The following ANKRD45 variants were observed in gnomAD, a reference collection of about 807,000 sequenced individuals.
The protein encoded by ANKRD45 is ankyrin repeat domain-containing protein 45.
Under a neutral mutation model 28.1 loss-of-function variants are expected in ANKRD45, and 21 were observed. The observed-to-expected ratio is 0.75, with a 90% CI of 0.53 to 1.08. The LOEUF is 1.08. ANKRD45 is among the 50% of genes least tolerant of loss of function. The probability of loss-of-function intolerance (pLI) is 0.00; values close to 1 mark genes in which losing one functional copy is unlikely to be tolerated. For synonymous variants in ANKRD45, 86 were observed against 103.9 expected (o/e 0.83, Z 1.05); for missense variants, 261 against 308.7 (o/e 0.85, Z 1.16).
intron 5 of ANKRD45, among the ~76,000 whole-genome samples, chr1:173,613,334 GC>G (rs1187850172): frequency 6.6e-6 from 1 of 151,892 alleles, no homozygotes; most frequent in Non-Finnish European, 1.5e-5. Flanking sequence ...CGTCTGAGAA[GC>G]GAGGAGCCCC....
At chr1:173,668,956 T>C (rs1166047478) in intron 1 of ANKRD45, among the ~76,000 whole-genome samples, 2 of 152,258 alleles carry the variant, frequency 1.3e-5, no homozygotes, top group Non-Finnish European at 2.9e-5. Flanking sequence ...GGATAGCACC[T>C]GGTCTGCCTT....
chr1:173,610,432 T>C (rs73031308), intron 5 of ANKRD45, among the ~76,000 whole-genome samples: 4,127 of 152,284 alleles, frequency 0.027, 199 homozygotes, highest in African/African-American at 0.095. Context: ...TAATCAGTAT[T>C]ATTGTCCCTA....
chr1:173,687,514 C>T, the ANKRD45 span, among the ~76,000 whole-genome samples: 1 of 137,812 alleles, frequency 7.3e-6, no homozygotes, highest in Admixed American at 8.6e-5. Flanking sequence ...AAGCAAACTT[C>T]CTTCATGTCT....
chr1:173,637,378 A>G (rs1189035526), intron 3 of ANKRD45, among the ~76,000 whole-genome samples: 1 of 152,250 alleles, frequency 6.6e-6, no homozygotes, highest in Non-Finnish European at 1.5e-5. Context: ...AAATTCTGCT[A>G]GCTGTAATAA....
At chr1:173,613,112 C>T (rs2102308266) in intron 5 of ANKRD45, among the ~76,000 whole-genome samples, 1 of 152,064 alleles carries the variant, frequency 6.6e-6, no homozygotes, top group African/African-American at 2.4e-5. Flanking sequence ...TGAAGAGCGC[C>T]TCTTCCCGGC....
chr1:173,655,273 G>A (rs566221064), intron 2 of ANKRD45, among the ~76,000 whole-genome samples: 77 of 152,202 alleles, frequency 5.1e-4, no homozygotes, highest in African/African-American at 1.7e-3. Flanking sequence ...CTACAGATGG[G>A]GTTTTGCTGT....
intron 3 of ANKRD45, among the ~76,000 whole-genome samples, chr1:173,628,049 A>G (rs754687593): frequency 6.6e-6 from 1 of 151,688 alleles, no homozygotes; most frequent in Non-Finnish European, 1.5e-5. Flanking sequence ...GCTGCCTTGA[A>G]GGGAAGGACC....
chr1:173,618,868 A>AT (rs1377083331), intron 5 of ANKRD45, among the ~76,000 whole-genome samples: 1 of 152,216 alleles, frequency 6.6e-6, no homozygotes, highest in Non-Finnish European at 1.5e-5. Context: ...GAAAGAAAAA[A>AT]TGTTAAAAGT....
chr1:173,674,908 G>A, the ANKRD45 span, among the ~76,000 whole-genome samples: 1 of 152,046 alleles, frequency 6.6e-6, no homozygotes, highest in African/African-American at 2.4e-5. Context: ...TGAGTCTCTG[G>A]TCTCAGGTTT....
chr1:173,694,020 A>G, the ANKRD45 span, among the ~76,000 whole-genome samples: 1 of 152,236 alleles, frequency 6.6e-6, no homozygotes, highest in Non-Finnish European at 1.5e-5. Flanking sequence ...CCCATTGGCA[A>G]ATAAGTTATG....
the ANKRD45 span, among the ~76,000 whole-genome samples, chr1:173,707,538 G>A: frequency 6.6e-6 from 1 of 152,082 alleles, no homozygotes; most frequent in Non-Finnish European, 1.5e-5. Context: ...TCACCATGCT[G>A]GCCAGCCTGG....
At chr1:173,697,551 C>T in the ANKRD45 span, among the ~76,000 whole-genome samples, 1 of 152,114 alleles carries the variant, frequency 6.6e-6, no homozygotes, top group South Asian at 2.1e-4. Flanking sequence ...CAGAATTTCA[C>T]ATCCAGCCAA....
intron 3 of ANKRD45, among the ~76,000 whole-genome samples, chr1:173,630,783 G>A (rs573443552): frequency 8.1e-6 from 1 of 123,490 alleles, no homozygotes; most frequent in East Asian, 2.8e-4. Context: ...TTGTGCCACT[G>A]CACTCTAACC....
chr1:173,700,127 C>T, the ANKRD45 span, among the ~76,000 whole-genome samples: 2 of 152,112 alleles, frequency 1.3e-5, no homozygotes, highest in Admixed American at 6.5e-5. Flanking sequence ...ATGTGAAGGA[C>T]CTCTTCAAGG....
At chr1:173,705,952 T>C in the ANKRD45 span, among the ~76,000 whole-genome samples, 1 of 152,192 alleles carries the variant, frequency 6.6e-6, no homozygotes, top group Non-Finnish European at 1.5e-5. Context: ...GTTAGCATGC[T>C]ATAAACACTG....
chr1:173,708,131 T>C, the ANKRD45 span, among the ~76,000 whole-genome samples: 9,294 of 152,312 alleles, frequency 0.061, 1,001 homozygotes, highest in African/African-American at 0.21. Context: ...CTGGTTATTC[T>C]CATTTGTCTT....
intron 5 of ANKRD45, among the ~76,000 whole-genome samples, chr1:173,615,213 C>T (rs191733637): frequency 4.6e-4 from 70 of 151,776 alleles, no homozygotes; most frequent in Non-Finnish European, 1.5e-4. Flanking sequence ...GGCGAAACCC[C>T]ATCTCTACTA....
the ANKRD45 span, among the ~76,000 whole-genome samples, chr1:173,693,618 G>T: frequency 1.3e-5 from 2 of 152,146 alleles, no homozygotes; most frequent in African/African-American, 2.4e-5. Context: ...AAAGGATGTG[G>T]ACAACATAGA....
At chr1:173,697,192 G>A in the ANKRD45 span, among the ~76,000 whole-genome samples, 9 of 152,292 alleles carry the variant, frequency 5.9e-5, no homozygotes, top group South Asian at 1.9e-3. Flanking sequence ...ACATTTGATT[G>A]GTGTACCTGA....
Sources: gnomAD v4.1 joint callset for allele counts (sites outside exome capture counted in the v4.1 genomes callset) on GRCh38, gnomAD v4.1.1 for gene constraint, MANE v1.5 for transcripts, NCBI Gene and HGNC (gene_info 2026-07-23, HGNC 2026-07-21) for gene names.